Variants in FGF13 observed in about 807,000 individuals in gnomAD.
FGF13 encodes fibroblast growth factor homologous factor 2.
In FGF13, 2 loss-of-function variants were observed where a neutral mutation model predicts 19.5. The observed-to-expected ratio is 0.10, with a 90% confidence interval of 0.04 to 0.32. The LOEUF (loss-of-function observed/expected upper bound fraction) is 0.32. Among genes scored for constraint, FGF13 ranks in the 10% least tolerant of loss-of-function variants. FGF13 has a pLI of 1.00. For missense variants in FGF13, 113 were observed against 192.7 expected (o/e 0.59, Z 2.45); for synonymous variants, 72 against 76.9 (o/e 0.94, Z 0.33).
chrX:139,085,299 C>T (rs1164254403), intron 1 of FGF13, among the ~76,000 whole-genome samples: 2 of 111,806 alleles, frequency 1.8e-5, no homozygotes, highest in South Asian at 7.4e-4. Context: ...CCACTTACTG[C>T]GCTTTGGGCA....
At chrX:138,976,095 A>G (rs904984055) in intron 1 of FGF13, among the ~76,000 whole-genome samples, 1 of 111,663 alleles carries the variant, frequency 9.0e-6, no homozygotes, top group Non-Finnish European at 1.9e-5. Context: ...CTGACACTGC[A>G]TTACTTTTGT....
intron 1 of FGF13, among the ~76,000 whole-genome samples, chrX:139,032,911 C>CT (rs748896697): frequency 8.3e-5 from 9 of 107,892 alleles, no homozygotes; most frequent in Non-Finnish European, 1.5e-4. Flanking sequence ...CTTCAATGGA[C>CT]TTTCGGTTCT....
At chrX:138,746,932 C>T (rs1265790251) in intron 3 of FGF13, among the ~76,000 whole-genome samples, 3 of 111,386 alleles carry the variant, frequency 2.7e-5, no homozygotes, top group Non-Finnish European at 5.7e-5. Flanking sequence ...GGGCACTCTA[C>T]CCTGGGCTGT....
At chrX:139,003,534 G>A (rs2092084777) in intron 1 of FGF13, among the ~76,000 whole-genome samples, 1 of 111,638 alleles carries the variant, frequency 9.0e-6, no homozygotes, top group African/African-American at 3.3e-5. Context: ...GAGCTGAGTG[G>A]CCTGTTTTAA....
chrX:139,085,385 C>T (rs2083397277), intron 1 of FGF13, among the ~76,000 whole-genome samples: 1 of 111,949 alleles, frequency 8.9e-6, no homozygotes, highest in African/African-American at 3.2e-5. Context: ...TAACAAATAA[C>T]ATTGAATAAG....
chrX:138,872,994 A>G lies in FGF13; in HGVS notation c.-112-8344T>C, dbSNP rs184919840. Among the ~76,000 whole-genome samples the G allele has an allele frequency of 2.2e-3, 245 of 111,318 alleles. 1 individual carries two copies. The highest frequency in any genetic ancestry group is 3.7e-3 in the Non-Finnish European group (195 of 53,149). ...CAATTGCTTTTTATACACTGTTCTC[A>G]TTTTACTTCTTAATTTGTTTGCAAC... On this transcript the variant is annotated intron_variant, in intron 1 of 2. Transcript: ENST00000421460.
chrX:138,701,153 G>A (rs1188799850), intron 3 of FGF13, among the ~76,000 whole-genome samples: 1 of 111,810 alleles, frequency 8.9e-6, no homozygotes, highest in Non-Finnish European at 1.9e-5. Context: ...TTCTCATCAG[G>A]GCACCATAAC....
chrX:138,804,744 T>TA (rs1262991760), intron 3 of FGF13, among the ~76,000 whole-genome samples: 1 of 112,166 alleles, frequency 8.9e-6, no homozygotes, highest in Non-Finnish European at 1.9e-5. Flanking sequence ...ATAAGTATAT[T>TA]AAAAAACAGT....
At chrX:138,955,586 C>T (rs918462748) in intron 1 of FGF13, among the ~76,000 whole-genome samples, 4 of 111,877 alleles carry the variant, frequency 3.6e-5, no homozygotes, top group Non-Finnish European at 7.5e-5. Context: ...AATTCATGTC[C>T]GACAGGATAC....
intron 1 of FGF13, among the ~76,000 whole-genome samples, chrX:139,102,963 T>C (rs1376505912): frequency 8.9e-6 from 1 of 112,258 alleles, no homozygotes; most frequent in Non-Finnish European, 1.9e-5. Context: ...TCCATGTAAA[T>C]ATAAGAGAGA....
chrX:139,086,697 A>T (rs2124445469), intron 1 of FGF13, among the ~76,000 whole-genome samples: 1 of 112,588 alleles, frequency 8.9e-6, no homozygotes, highest in African/African-American at 3.2e-5. Flanking sequence ...CATAATAATT[A>T]GAAATTTAAA....
intron 1 of FGF13, among the ~76,000 whole-genome samples, chrX:138,969,971 CTG>C (rs1216793235): frequency 9.0e-6 from 1 of 111,726 alleles, no homozygotes; most frequent in South Asian, 3.8e-4. Flanking sequence ...GTGTGCGTGT[CTG>C]TGTGTGTGCA....
intron 3 of FGF13, among the ~76,000 whole-genome samples, chrX:138,662,473 T>C (rs1007323202): frequency 4.5e-5 from 5 of 111,643 alleles, no homozygotes; most frequent in African/African-American, 1.6e-4. Context: ...TACTAAACAA[T>C]GCTTTCTAAA....
intron 1 of FGF13, among the ~76,000 whole-genome samples, chrX:139,109,455 G>C (rs2083585642): frequency 9.0e-6 from 1 of 111,656 alleles, no homozygotes; most frequent in Admixed American, 9.5e-5. Flanking sequence ...AGAAGACATG[G>C]CAGGAGAAAA....
intron 1 of FGF13, among the ~76,000 whole-genome samples, chrX:139,087,614 T>G (rs188229640): frequency 2.7e-5 from 3 of 112,013 alleles, no homozygotes; most frequent in Non-Finnish European, 3.8e-5. Flanking sequence ...TTGTTTGATA[T>G]AGTTATTTCA....
At chrX:138,880,422 G>C (rs2091416637) in intron 1 of FGF13, among the ~76,000 whole-genome samples, 1 of 111,630 alleles carries the variant, frequency 9.0e-6, no homozygotes, top group South Asian at 3.8e-4. Flanking sequence ...CAAAGACTTG[G>C]AACCAACCCA....
intron 1 of FGF13, among the ~76,000 whole-genome samples, chrX:139,060,590 A>T (rs1030789237): frequency 9.0e-6 from 1 of 111,607 alleles, no homozygotes; most frequent in Admixed American, 9.5e-5. Flanking sequence ...TTCAGAAATG[A>T]TATTTTTCCT....
chrX:138,630,402 G>T lies in FGF13; in HGVS notation c.*2448C>A, dbSNP rs1027132106. 9.0e-6 allele frequency: 1 copy of T among 111,231 alleles called. No homozygotes were observed. The highest frequency in any genetic ancestry group is 1.9e-5 in the Non-Finnish European group (1 of 53,091). 9.2% of individuals were successfully genotyped at this position (111,231 alleles called of 1,213,427 possible). A position where few individuals can be genotyped will look rare whatever the true frequency, so the allele number is the denominator to read the frequency against. On this transcript the variant is annotated 3_prime_UTR_variant, in exon 5 of 5. Coordinates refer to ENST00000315930, the MANE Select transcript of FGF13 (RefSeq NM_004114.5). ...ACTTTTCCCTACTGATTGAAAATTAGTAAGAGTTAATAGGGAGAGGTGGTT... is the reference window on the plus strand; with the variant it reads ...ACTTTTCCCTACTGATTGAAAATTATTAAGAGTTAATAGGGAGAGGTGGTT...
At chrX:138,831,837 C>T (rs1257177071) in intron 3 of FGF13, among the ~76,000 whole-genome samples, 1 of 111,340 alleles carries the variant, frequency 9.0e-6, no homozygotes, top group Admixed American at 9.6e-5. Flanking sequence ...TCCTACCCTC[C>T]ACCTTCTGAA....
Sources: gnomAD v4.1 joint callset for allele counts (sites outside exome capture counted in the v4.1 genomes callset) on GRCh38, gnomAD v4.1.1 for gene constraint, MANE v1.5 for transcripts, NCBI Gene and HGNC (gene_info 2026-07-23, HGNC 2026-07-21) for gene names.